The following PPIL6 variants were observed in gnomAD, a reference collection of about 807,000 sequenced individuals.
The protein encoded by PPIL6 is peptidylprolyl isomerase like 6.
PPIL6 carries 39 observed loss-of-function variants against 36.8 expected under a neutral mutation model. The ratio of observed to expected loss-of-function variants is 1.06; its 90% CI spans 0.82 to 1.38. PPIL6 has a LOEUF of 1.38. Ranked by LOEUF, PPIL6 falls within the 40% of genes most tolerant of loss-of-function variation. The pLI is 0.00. For synonymous variants in PPIL6, 123 were observed against 134.1 expected, an observed-to-expected ratio of 0.92 and a Z score of 0.57; for missense variants, 368 against 379.1, an observed-to-expected ratio of 0.97 and a Z score of 0.24.
rs1219843801 is a variant in PPIL6 at position 109,403,078 on chromosome 6, T to C, written c.689-2908A>G. ...AACCCCTCTGCTTTCCTTCTGCCTCTTTACACTTCTTTTCAAGCTTCCATA... is the reference window on the plus strand; with the variant it reads ...AACCCCTCTGCTTTCCTTCTGCCTCCTTACACTTCTTTTCAAGCTTCCATA... On this transcript the variant is annotated intron_variant, in intron 6 of 7. Coordinates refer to ENST00000521072, the MANE Select transcript of PPIL6 (RefSeq NM_173672.5). 2.0e-6 allele frequency: 3 copies of C among 1,530,544 alleles called. No homozygotes were observed. In the African/African-American group the frequency reaches 4.1e-5, roughly 21 times the overall value. 94.8% of individuals were successfully genotyped at this position (1,530,544 alleles called of 1,614,324 possible).
chr6:109,391,443 G>T lies in PPIL6; in HGVS notation c.*1383C>A, dbSNP rs1345570019. The T allele has an allele frequency of 1.3e-5, 2 of 152,110 alleles. No homozygotes were observed. Among genetic ancestry groups the T allele is most frequent in the African/African-American group, 2.4e-5 (1 of 41,408 alleles). 9.4% of individuals were successfully genotyped at this position (152,110 alleles called of 1,614,324 possible). A position where few individuals can be genotyped will look rare whatever the true frequency, so the allele number is the denominator to read the frequency against. On this transcript the variant is annotated 3_prime_UTR_variant, in exon 8 of 8. Transcript: ENST00000521072. ...CATTACACCATGGGGACTGGAACCAGTTCCTTATGTCTTGCAGTGATTCCC... is the reference window on the plus strand; with the variant it reads ...CATTACACCATGGGGACTGGAACCATTTCCTTATGTCTTGCAGTGATTCCC...
rs1400987342 is a variant in PPIL6 at position 109,403,058 on chromosome 6, C to G, written c.689-2888G>C. 1.3e-6 allele frequency: 2 copies of G among 1,532,728 alleles called. No individual in the cohort carries two copies. Among genetic ancestry groups the G allele is most frequent in the East Asian group, 4.9e-5 (2 of 40,612 alleles). 94.9% of individuals were successfully genotyped at this position (1,532,728 alleles called of 1,614,324 possible). ...CGGTATTTCTCGATCTTTCCAACCC[C>G]TCTGCTTTCCTTCTGCCTCTTTACA... On this transcript the variant is annotated intron_variant, in intron 6 of 7. Coordinates refer to ENST00000521072, the MANE Select transcript of PPIL6 (RefSeq NM_173672.5).
chr6:109,421,027 C>G (rs896658807), intron 5 of PPIL6, among the ~76,000 whole-genome samples: 1 of 152,080 alleles, frequency 6.6e-6, no homozygotes, highest in South Asian at 2.1e-4. Flanking sequence ...AGCTGAGGGC[C>G]CCCCCACCAT....
At chr6:109,410,363 G>A (rs1419340409) in intron 6 of PPIL6, among the ~76,000 whole-genome samples, 1 of 152,084 alleles carries the variant, frequency 6.6e-6, no homozygotes, top group Non-Finnish European at 1.5e-5. Context: ...GTCCAGTATG[G>A]GTGGGAACAC....
intron 7 of PPIL6, among the ~76,000 whole-genome samples, chr6:109,393,961 T>A (rs1312351629): frequency 6.6e-6 from 1 of 152,148 alleles, no homozygotes; most frequent in Non-Finnish European, 1.5e-5. Context: ...GATTTCTAAT[T>A]CTCCCATGAT....
At chr6:109,438,594 G>T (rs1039687346) in intron 1 of PPIL6, among the ~76,000 whole-genome samples, 18 of 145,278 alleles carry the variant, frequency 1.2e-4, no homozygotes, top group Admixed American at 5.5e-4. Flanking sequence ...ACAGTTTTTT[G>T]TTTTTTTTTT....
At chr6:109,432,906 C>T (rs964464067) in intron 2 of PPIL6, among the ~76,000 whole-genome samples, 8 of 152,140 alleles carry the variant, frequency 5.3e-5, no homozygotes, top group African/African-American at 1.9e-4. Flanking sequence ...TATCCTATTG[C>T]TTGCTTCCTA....
chr6:109,409,643 T>C (rs1772936858), intron 6 of PPIL6, among the ~76,000 whole-genome samples: 1 of 151,240 alleles, frequency 6.6e-6, no homozygotes, highest in African/African-American at 2.4e-5. Context: ...ACCTACAGAC[T>C]CCACACAAAA....
chr6:109,403,562 A>C (rs958330835), intron 6 of PPIL6, among the ~76,000 whole-genome samples: 3 of 152,154 alleles, frequency 2.0e-5, no homozygotes, highest in Non-Finnish European at 2.9e-5. Context: ...TTTTCTCCTG[A>C]GTGCTTCTGC....
At chr6:109,404,062 C>G (rs1412961954) in intron 6 of PPIL6, among the ~76,000 whole-genome samples, 1 of 152,174 alleles carries the variant, frequency 6.6e-6, no homozygotes, top group Admixed American at 6.6e-5. Flanking sequence ...TTTTGTCCTA[C>G]CAGACCAACC....
intron 1 of PPIL6, among the ~76,000 whole-genome samples, chr6:109,436,919 C>T (rs1238351215): frequency 6.6e-6 from 1 of 152,096 alleles, no homozygotes; most frequent in African/African-American, 2.4e-5. Flanking sequence ...TGCTAAACCT[C>T]GGTGGATCTA....
At chr6:109,407,321 GCT>G (rs1352928056) in intron 6 of PPIL6, among the ~76,000 whole-genome samples, 1 of 151,482 alleles carries the variant, frequency 6.6e-6, no homozygotes, top group Non-Finnish European at 1.5e-5. Flanking sequence ...CTCACTGCAA[GCT>G]CTGCCTCCCG....
intron 1 of PPIL6, among the ~76,000 whole-genome samples, chr6:109,439,084 A>C (rs952755555): frequency 1.3e-5 from 2 of 152,230 alleles, no homozygotes; most frequent in Non-Finnish European, 2.9e-5. Context: ...TAACATATTT[A>C]CTATCTGGAC....
chr6:109,440,499 A>G lies in PPIL6; in HGVS notation c.92T>C (p.Leu31Pro), dbSNP rs1419950459. 2 of 1,537,846 alleles carry G rather than the reference A, an allele frequency of 1.3e-6. No individual in the cohort carries two copies. The highest frequency in any genetic ancestry group is 1.8e-6 in the Non-Finnish European group (2 of 1,141,828). Residue 31 changes from leucine to proline, a missense_variant, in exon 1 of 8, where the codon CTC becomes CCC. Physicochemically the swap from Leu to Pro is moderately conservative, Grantham distance 98 (BLOSUM62 -3). Coordinates refer to ENST00000521072, the MANE Select transcript of PPIL6 (RefSeq NM_173672.5). ...ERPLQVKVVG[L>P]FSCPNFQIAK... Reference sequence around the variant, plus strand: ...AATCTGAAAGTTGGGGCAGCTGAAGAGCCCCACCACCTTCACCTGCAGCGG... The same window carrying G: ...AATCTGAAAGTTGGGGCAGCTGAAGGGCCCCACCACCTTCACCTGCAGCGG...
intron 5 of PPIL6, among the ~76,000 whole-genome samples, chr6:109,420,649 C>A (rs961015274): frequency 2.1e-4 from 32 of 152,308 alleles, no homozygotes; most frequent in Middle Eastern, 3.4e-3. Context: ...TCTCCCCCAT[C>A]CTCCCCATCA....
intron 6 of PPIL6, among the ~76,000 whole-genome samples, chr6:109,417,204 T>A (rs1773308291): frequency 6.7e-6 from 1 of 150,270 alleles, no homozygotes; most frequent in South Asian, 2.1e-4. Context: ...AAGGTAAAAG[T>A]ATTTCACAAA....
chr6:109,422,916 A>G (rs1773623264), intron 5 of PPIL6, among the ~76,000 whole-genome samples: 1 of 152,142 alleles, frequency 6.6e-6, no homozygotes, highest in Non-Finnish European at 1.5e-5. Context: ...TTCTGTTTTT[A>G]TTTGTTTTTA....
intron 3 of PPIL6, among the ~76,000 whole-genome samples, chr6:109,430,204 T>C (rs1460880013): frequency 6.6e-6 from 1 of 152,272 alleles, no homozygotes; most frequent in East Asian, 1.9e-4. Flanking sequence ...ATTGGCTCAC[T>C]GTAGGCACAG....
At chr6:109,414,467 T>C (rs1307721180) in intron 6 of PPIL6, among the ~76,000 whole-genome samples, 2 of 149,430 alleles carry the variant, frequency 1.3e-5, no homozygotes, top group Admixed American at 1.4e-4. Context: ...ATTTTCTTAA[T>C]GTCTTTTAGC....
Sources: allele counts gnomAD v4.1 joint callset (sites outside exome capture counted in the v4.1 genomes callset), GRCh38; gene constraint gnomAD v4.1.1; transcripts MANE v1.5; gene names NCBI Gene and HGNC (gene_info 2026-07-23, HGNC 2026-07-21).